Variants in SLC8B1 observed in about 807,000 individuals in gnomAD.
SLC8B1 encodes mitochondrial sodium/calcium exchanger protein.
Under a neutral mutation model 63.4 loss-of-function variants are expected in SLC8B1, and 52 were observed. The ratio of observed to expected loss-of-function variants is 0.82; its 90% confidence interval spans 0.66 to 1.03. SLC8B1 has a LOEUF of 1.03. Ranked by LOEUF, SLC8B1 falls within the 50% of genes least tolerant of loss-of-function variation. The probability of loss-of-function intolerance (pLI) is 0.00; values close to 1 mark genes in which losing one functional copy is unlikely to be tolerated. For synonymous variants in SLC8B1, 336 were observed against 323.9 expected (o/e 1.04, Z -0.40); for missense variants, 657 against 741.7 (o/e 0.89, Z 1.33).
Position 113,320,147 on chromosome 12 carries a change from C to T in SLC8B1, c.694+184G>A, listed in dbSNP as rs765092863. Reference sequence around the variant, plus strand: ...TCCCCAGCCCCCAGCTCTGCCAGGCCTCTTTGGTTATGTGACCCACATGTT... The same window carrying T: ...TCCCCAGCCCCCAGCTCTGCCAGGCTTCTTTGGTTATGTGACCCACATGTT... On this transcript the variant is annotated intron_variant, in intron 7 of 15. Transcript: ENST00000680972. The surrounding 1 kb of genome is among the most constrained non-coding windows in gnomAD (Gnocchi z 5.3). 2 of 705,256 alleles carry T rather than the reference C, an allele frequency of 2.8e-6. No homozygotes were observed. Among genetic ancestry groups the T allele is most frequent in the Non-Finnish European group, 4.6e-6 (2 of 432,868 alleles). The allele number at this position is 705,256 out of a possible 1,614,324, so 43.7% of individuals were successfully genotyped here.
chr12:113,319,985 G>T, intron 7 of SLC8B1: 1 of 231,038 alleles, frequency 4.3e-6, no homozygotes, highest in Admixed American at 5.1e-5. Context: ...TAGAGATGTA[G>T]TCTCGCTATG....
chr12:113,316,722 G>A (rs549421723), intron 9 of SLC8B1, 66 bp from the exon 10 acceptor site: 133 of 1,589,594 alleles, frequency 8.4e-5, no homozygotes, highest in East Asian at 8.0e-4. Context: ...AACCTTCCCC[G>A]CTCCATCCCA....
Position 113,326,683 on chromosome 12 carries a change from C to CTTT in SLC8B1, c.157-5338_157-5336dup, listed in dbSNP as rs561363613. Among the ~76,000 whole-genome samples, 386 of 144,806 alleles carry CTTT rather than the reference C, an allele frequency of 2.7e-3. 3 individuals carry two copies. Among genetic ancestry groups the CTTT allele is most frequent in the African/African-American group, 8.9e-3 (353 of 39,632 alleles). 95.0% of individuals were successfully genotyped at this position (144,806 alleles called of 152,430 possible). On this transcript the variant is annotated intron_variant, in intron 2 of 15. Transcript: ENST00000680972. ...TGACTGGCCTCTTTTCTTTCTCTCT[C>CTTT]TTTTTTTTTTTTTGAGACAAGGTCT...
chr12:113,317,069 C>T, intron 8 of SLC8B1, 68 bp from the exon 9 acceptor site: 2 of 1,402,980 alleles, frequency 1.4e-6, no homozygotes, highest in Non-Finnish European at 2.0e-6. Flanking sequence ...TGGGACAGAG[C>T]AGGTTTAGGG....
At chr12:113,325,815 G>A (rs563140826) in intron 2 of SLC8B1, among the ~76,000 whole-genome samples, 12 of 151,690 alleles carry the variant, frequency 7.9e-5, no homozygotes, top group South Asian at 6.2e-4. Context: ...CACCCGCCTC[G>A]GCCTCCCAAA....
chr12:113,301,131 A>G (rs1956581353), intron 15 of SLC8B1, among the ~76,000 whole-genome samples: 2 of 152,192 alleles, frequency 1.3e-5, no homozygotes, highest in South Asian at 4.2e-4. Flanking sequence ...GCAAAACTCC[A>G]TCTCAAAAAA....
chr12:113,304,318 C>T lies in SLC8B1; in HGVS notation c.1557+3G>A. 1 of 1,613,802 alleles carries T rather than the reference C, an allele frequency of 6.2e-7. No individual in the cohort carries two copies. The highest frequency in any genetic ancestry group is 1.3e-5 in the African/African-American group (1 of 75,048). On this transcript the variant is annotated splice_donor_region_variant and intron_variant, in intron 15 of 15. Transcript: ENST00000680972. ...CACTTGTAAACTTACAAGGAATACT[C>T]ACCTTCACTTCTGTGTGGCTTCGGG...
In SLC8B1 at chr12:113,320,595, A is replaced by G. The variant is rs1956910933; in HGVS notation, c.512T>C (p.Leu171Pro). The G allele has an allele frequency of 6.2e-7, 1 of 1,614,066 alleles. No individual in the cohort carries two copies. Among genetic ancestry groups the G allele is most frequent in the African/African-American group, 1.3e-5 (1 of 75,046 alleles). ...FSDPHTAGLA[L>P]GALFGAGVLV... is the part of the protein sequence containing the mutation. ...GCTGCTCTCACCAAACAGTGCCCCA[A>G]GGGCCAGGCCGGCTGTGTGCGGGTC... Residue 171 changes from leucine to proline, a missense_variant, in exon 6 of 16, where the codon CTT becomes CCT. Physicochemically the swap from Leu to Pro is moderately conservative, Grantham distance 98. Transcript: ENST00000680972. This position sits in a 1 kb window ranked among gnomAD's most constrained non-coding sequence, Gnocchi z 5.3.
Position 113,332,856 on chromosome 12 carries a change from A to G in SLC8B1, c.23T>C (p.Leu8Pro). Residue 8 changes from leucine to proline, a missense_variant, in exon 2 of 16, where the codon CTG becomes CCG. By Grantham distance (98) the Leu-to-Pro change is moderately conservative. Transcript: ENST00000680972. ...ACAAAGCACACTCAGTGCCCAGCGC[A>G]GATTCAGCCTTCTGCCGGCCATCTG... is the stretch of plus-strand genomic sequence containing the variant. MAGRRLN[L>P]RWALSVLCVL... The G allele has an allele frequency of 6.2e-7, 1 of 1,614,116 alleles. No individual in the cohort carries two copies. The highest frequency in any genetic ancestry group is 8.5e-7 in the Non-Finnish European group (1 of 1,179,998).
intron 2 of SLC8B1, among the ~76,000 whole-genome samples, chr12:113,331,731 C>T (rs1344423127): frequency 6.6e-6 from 1 of 152,156 alleles, no homozygotes; most frequent in African/African-American, 2.4e-5. Flanking sequence ...GGGACCTCAC[C>T]TGTGATCATG....
intron 2 of SLC8B1, among the ~76,000 whole-genome samples, chr12:113,323,668 C>T (rs1413238527): frequency 1.3e-5 from 2 of 151,980 alleles, no homozygotes; most frequent in South Asian, 4.1e-4. Flanking sequence ...AAGATCATAC[C>T]ACTGCACTCC....
In SLC8B1 at chr12:113,320,770, G is replaced by T; in HGVS notation, c.420+80C>A. 1 of 1,576,992 alleles carries T rather than the reference G, an allele frequency of 6.3e-7. No homozygotes were observed. Among genetic ancestry groups the T allele is most frequent in the East Asian group, 2.3e-5 (1 of 43,692 alleles). ...ACCCTATCCCCCAGCTTCCCCACACGGGGATAGACATGACCCTATCTCCCA... is the reference window on the plus strand; with the variant it reads ...ACCCTATCCCCCAGCTTCCCCACACTGGGATAGACATGACCCTATCTCCCA... On this transcript the variant is annotated intron_variant, in intron 5 of 15. Coordinates refer to ENST00000680972, the MANE Select transcript of SLC8B1 (RefSeq NM_001358345.2). This position sits in a 1 kb window ranked among gnomAD's most constrained non-coding sequence, Gnocchi z 5.3.
chr12:113,322,075 G>C (rs1161756366), intron 2 of SLC8B1, among the ~76,000 whole-genome samples: 1 of 152,036 alleles, frequency 6.6e-6, no homozygotes, highest in East Asian at 1.9e-4. Flanking sequence ...ATGTGCACTT[G>C]TAGTCCCAGC....
intron 15 of SLC8B1, 62 bp downstream of exon 15, chr12:113,304,259 C>T: frequency 6.6e-7 from 1 of 1,512,706 alleles, no homozygotes; most frequent in South Asian, 1.1e-5. Context: ...GGCCTTCCTG[C>T]CCCTTCCCCA....
At chr12:113,308,112 C>T (rs532689759) in intron 12 of SLC8B1, 47 of 309,588 alleles carry the variant, frequency 1.5e-4, no homozygotes, top group East Asian at 9.0e-4. Flanking sequence ...TTTGGGAGGC[C>T]GAGGCGGGCA....
In SLC8B1 at chr12:113,304,351, G is replaced by C; in HGVS notation, c.1527C>G (p.Leu509=). 1 of 1,614,056 alleles carries C rather than the reference G, an allele frequency of 6.2e-7. No individual in the cohort carries two copies. Among genetic ancestry groups the C allele is most frequent in the Non-Finnish European group, 8.5e-7 (1 of 1,179,966 alleles). ...ILVGVGLGCL[L]QISRSHTEVK... ...CTTCTGTGTGGCTTCGGGAGATCTG[G>C]AGCAGGCAGCCCAGCCCCACACCCA... is the stretch of plus-strand genomic sequence containing the variant. Residue 509 remains leucine (L), a synonymous_variant, in exon 15 of 16, where the codon CTC becomes CTG. Coordinates refer to ENST00000680972, the MANE Select transcript of SLC8B1 (RefSeq NM_001358345.2).
At chr12:113,310,790 C>T (rs968335166) in intron 11 of SLC8B1, among the ~76,000 whole-genome samples, 1 of 152,182 alleles carries the variant, frequency 6.6e-6, no homozygotes, top group African/African-American at 2.4e-5. Flanking sequence ...TAAGTCCACT[C>T]TCCATTAACA....
chr12:113,327,315 T>A (rs1461132880), intron 2 of SLC8B1, among the ~76,000 whole-genome samples: 1 of 151,868 alleles, frequency 6.6e-6, no homozygotes, highest in African/African-American at 2.4e-5. Flanking sequence ...AAATTCTAAT[T>A]TGCGTCCTTC....
chr12:113,303,329 C>A (rs1285515108), intron 15 of SLC8B1, among the ~76,000 whole-genome samples: 1 of 152,168 alleles, frequency 6.6e-6, no homozygotes, highest in African/African-American at 2.4e-5. Flanking sequence ...TAGCTGTTTG[C>A]TTGTGGGCAT....
Sources: gnomAD v4.1 joint callset for allele counts (sites outside exome capture counted in the v4.1 genomes callset) on GRCh38, gnomAD v4.1.1 for gene constraint, Gnocchi (gnomAD v3.1) non-coding constraint, MANE v1.5 for transcripts, NCBI Gene and HGNC (gene_info 2026-07-23, HGNC 2026-07-21) for gene names.